The following SYT16 variants were observed in gnomAD, a reference collection of about 807,000 sequenced individuals.
The protein encoded by SYT16 is synaptotagmin-16.
In SYT16, 42 loss-of-function variants were observed where a neutral mutation model predicts 61.4. The observed-to-expected ratio is 0.68, with a 90% confidence interval of 0.53 to 0.89. The LOEUF (loss-of-function observed/expected upper bound fraction) is 0.89. Ranked by LOEUF, SYT16 falls within the 40% of genes least tolerant of loss-of-function variation. SYT16 has a pLI of 0.00. For synonymous variants in SYT16, 314 were observed against 302.3 expected (o/e 1.04, Z -0.40); for missense variants, 804 against 807.3 (o/e 1.00, Z 0.05).
At chr14:62,000,185 CTG>C (rs1441274123) in intron 3 of SYT16, among the ~76,000 whole-genome samples, 1 of 123,750 alleles carries the variant, frequency 8.1e-6, no homozygotes, top group African/African-American at 3.1e-5. Context: ...GTCTGTAACT[CTG>C]TGGATTTGGC....
At chr14:62,071,553 T>TA in intron 4 of SYT16, among the ~76,000 whole-genome samples, 1 of 152,274 alleles carries the variant, frequency 6.6e-6, no homozygotes, top group East Asian at 1.9e-4. Context: ...TTCACAGAAA[T>TA]AGCCACATGC....
chr14:62,058,831 C>A (rs1436194092), intron 3 of SYT16, among the ~76,000 whole-genome samples: 2 of 152,116 alleles, frequency 1.3e-5, no homozygotes, highest in Non-Finnish European at 2.9e-5. Flanking sequence ...AAATGTCCAT[C>A]AGTGGTAGAC....
chr14:61,832,291 C>A, intron 1 of SYT16: 1 of 592,580 alleles, frequency 1.7e-6, no homozygotes, highest in Admixed American at 1.9e-5. Context: ...CTCTTCACAA[C>A]ATTTCCGTGT....
At chr14:62,089,514 TA>T (rs10708412) in intron 7 of SYT16, among the ~76,000 whole-genome samples, 122,482 of 152,020 alleles carry the variant, frequency 0.81, 49,699 homozygotes, top group South Asian at 0.91. Context: ...TGTGATTTTT[TA>T]AAAAAAATCA....
At chr14:61,946,082 A>G (rs547903756) in intron 1 of SYT16, among the ~76,000 whole-genome samples, 1 of 152,196 alleles carries the variant, frequency 6.6e-6, no homozygotes, top group South Asian at 2.1e-4. Flanking sequence ...TGGAGGAGAG[A>G]TAGCATTAGG....
chr14:61,818,321 C>G (rs1354973685), intron 1 of SYT16, among the ~76,000 whole-genome samples: 2 of 152,198 alleles, frequency 1.3e-5, no homozygotes, highest in Non-Finnish European at 2.9e-5. Context: ...CACTGCCCCT[C>G]TGTGCATACT....
intron 1 of SYT16, among the ~76,000 whole-genome samples, chr14:61,886,074 C>G (rs1319290682): frequency 6.6e-6 from 1 of 151,622 alleles, no homozygotes; most frequent in African/African-American, 2.4e-5. Context: ...ATGCCATTCT[C>G]CTGCCTCAGC....
chr14:61,946,747 T>C (rs1478567326), intron 1 of SYT16, among the ~76,000 whole-genome samples: 1 of 152,174 alleles, frequency 6.6e-6, no homozygotes, highest in East Asian at 1.9e-4. Flanking sequence ...CTAGGTCCTA[T>C]TCTGTGGGGC....
At chr14:62,010,703 T>A (rs2053412103) in intron 3 of SYT16, among the ~76,000 whole-genome samples, 1 of 152,166 alleles carries the variant, frequency 6.6e-6, no homozygotes, top group African/African-American at 2.4e-5. Flanking sequence ...ACTTTTATAT[T>A]ATTTCAAAAA....
At chr14:62,075,619 AGAAAAAAAG>A (rs2056467087) in intron 5 of SYT16, among the ~76,000 whole-genome samples, 1 of 120,860 alleles carries the variant, frequency 8.3e-6, no homozygotes, top group Non-Finnish European at 1.8e-5. Context: ...AAAAAAAAAA[AGAAAAAAAG>A]AAAAAAAAAT....
intron 1 of SYT16, among the ~76,000 whole-genome samples, chr14:61,897,995 C>A (rs565271907): frequency 5.3e-4 from 80 of 152,244 alleles, no homozygotes; most frequent in African/African-American, 1.9e-3. Flanking sequence ...CACCTGAACC[C>A]AAGTTCCAAT....
chr14:61,972,165 G>A (rs2051589613), intron 2 of SYT16, among the ~76,000 whole-genome samples: 1 of 152,160 alleles, frequency 6.6e-6, no homozygotes, highest in Admixed American at 6.5e-5. Flanking sequence ...CAATGCAACA[G>A]CAATAGCAAG....
Position 61,970,326 on chromosome 14 carries a change from T to G in SYT16, c.-145+15T>G, listed in dbSNP as rs2051492666. Reference sequence around the variant, plus strand: ...CAAGGGGCTGGGTAAGCATTATGCTTCAAATTCTCCTGGGCTTGGCAACTT... The same window carrying G: ...CAAGGGGCTGGGTAAGCATTATGCTGCAAATTCTCCTGGGCTTGGCAACTT... On this transcript the variant is annotated intron_variant, in intron 2 of 7. Transcript: ENST00000683842. The G allele has an allele frequency of 6.6e-6, 1 of 152,246 alleles. No homozygotes were observed. The highest frequency in any genetic ancestry group is 1.5e-5 in the Non-Finnish European group (1 of 68,086). 9.4% of individuals were successfully genotyped at this position (152,246 alleles called of 1,614,324 possible). A position where few individuals can be genotyped will look rare whatever the true frequency, so the allele number is the denominator to read the frequency against.
intron 1 of SYT16, among the ~76,000 whole-genome samples, chr14:61,848,462 G>A (rs2046510177): frequency 6.6e-6 from 1 of 152,146 alleles, no homozygotes; most frequent in Admixed American, 6.5e-5. Context: ...GTCTGGAAGT[G>A]GAGGACACAT....
At chr14:62,026,350 G>A (rs2054102581) in intron 3 of SYT16, among the ~76,000 whole-genome samples, 1 of 152,200 alleles carries the variant, frequency 6.6e-6, no homozygotes, top group South Asian at 2.1e-4. Flanking sequence ...ATTTCTCACA[G>A]TTCTGGAGGT....
At chr14:62,002,554 T>G (rs2053062377) in intron 3 of SYT16, among the ~76,000 whole-genome samples, 1 of 152,146 alleles carries the variant, frequency 6.6e-6, no homozygotes, top group African/African-American at 2.4e-5. Context: ...GCTCTCGGTC[T>G]TAGGCAATTG....
intron 3 of SYT16, among the ~76,000 whole-genome samples, chr14:62,008,631 CTTTTTTTT>C (rs374026559): frequency 7.4e-5 from 10 of 134,946 alleles, no homozygotes; most frequent in African/African-American, 2.7e-4. Context: ...TTTCTGTTTT[CTTTTTTTT>C]TTTTTTTTGC....
At chr14:61,857,183 A>G (rs1322636220) in intron 1 of SYT16, among the ~76,000 whole-genome samples, 1 of 152,190 alleles carries the variant, frequency 6.6e-6, no homozygotes, top group Non-Finnish European at 1.5e-5. Context: ...AGAAGGATGT[A>G]AAGCGCCAGC....
chr14:61,986,550 C>T (rs1351073187), intron 2 of SYT16, among the ~76,000 whole-genome samples: 1 of 151,724 alleles, frequency 6.6e-6, no homozygotes, highest in African/African-American at 2.4e-5. Context: ...GTGCTGCACC[C>T]ATTAACTCGT....
Sources: allele counts gnomAD v4.1 joint callset (sites outside exome capture counted in the v4.1 genomes callset), GRCh38; gene constraint gnomAD v4.1.1; transcripts MANE v1.5; gene names NCBI Gene and HGNC (gene_info 2026-07-23, HGNC 2026-07-21).